TMEM178A: variants seen among roughly 807,000 people sequenced by gnomAD.
TMEM178A encodes the protein transmembrane protein 178A.
Under a neutral mutation model 29.1 loss-of-function variants are expected in TMEM178A, and 12 were observed. The ratio of observed to expected loss-of-function variants is 0.41; its 90% CI spans 0.26 to 0.67. TMEM178A has a LOEUF of 0.67. Ranked by LOEUF, TMEM178A falls within the 30% of genes least tolerant of loss-of-function variation. TMEM178A has a pLI of 0.29. For missense variants in TMEM178A, 366 were observed against 419.1 expected (o/e 0.87, Z 1.11); for synonymous variants, 210 against 187.2 (o/e 1.12, Z -0.99).
Position 39,698,729 on chromosome 2 carries a change from A to G in TMEM178A, c.401-5352A>G, listed in dbSNP as rs546886204. 1.1e-3 allele frequency among the ~76,000 whole-genome samples: 167 copies of G among 151,838 alleles called. 2 individuals carry two copies. The highest frequency in any genetic ancestry group is 3.8e-3 in the African/African-American group (159 of 41,428). On this transcript the variant is annotated intron_variant, in intron 1 of 3. Transcript: ENST00000281961. ...TTTTTTTGTTTTGAAGAGTCTATGAAGGTTGTTAATTCTTCCTTAAACATT... is the reference window on the plus strand; with the variant it reads ...TTTTTTTGTTTTGAAGAGTCTATGAGGGTTGTTAATTCTTCCTTAAACATT...
At chr2:39,730,947 ATCT>A in the TMEM178A span, among the ~76,000 whole-genome samples, 1 of 152,164 alleles carries the variant, frequency 6.6e-6, no homozygotes, top group African/African-American at 2.4e-5. Flanking sequence ...GAGACATCTC[ATCT>A]TCTCAAGGAG....
At chr2:39,728,793 C>T in the TMEM178A span, among the ~76,000 whole-genome samples, 257 of 151,860 alleles carry the variant, frequency 1.7e-3, 2 homozygotes, top group African/African-American at 5.9e-3. Context: ...TTTCTTTTCT[C>T]CTAAAGATGT....
chr2:39,666,069 A>G lies in TMEM178A; in HGVS notation c.95A>G (p.Tyr32Cys). The change falls in exon 1 of 4, where the codon TAC (tyrosine) becomes TGC (cysteine). Residue 32 changes from tyrosine (Y) to cysteine (C), a missense_variant. Around this residue, in one of 2 missense-constraint regions of TMEM178A, gnomAD observed 247 missense variants for 246.8 expected, o/e 1.00. Coordinates refer to ENST00000281961, the MANE Select transcript of TMEM178A (RefSeq NM_152390.3). ...LVTAIFTDHW[Y>C]ETDPRRHKES... ...ACGGCCATCTTCACCGACCACTGGT[A>G]CGAGACCGACCCCCGGCGCCACAAG... 1 of 1,569,866 alleles carries G rather than the reference A, an allele frequency of 6.4e-7. No homozygotes were observed. Among genetic ancestry groups the G allele is most frequent in the Non-Finnish European group, 8.6e-7 (1 of 1,161,510 alleles).
chr2:39,720,934 TA>T (rs1348424429), downstream of TMEM178A, among the ~76,000 whole-genome samples: 1 of 152,244 alleles, frequency 6.6e-6, no homozygotes, highest in East Asian at 1.9e-4. Flanking sequence ...TGTTATGAAC[TA>T]CTGTGGAACA....
At chr2:39,673,492 T>C (rs1348330506) in intron 1 of TMEM178A, among the ~76,000 whole-genome samples, 1 of 152,254 alleles carries the variant, frequency 6.6e-6, no homozygotes, top group Non-Finnish European at 1.5e-5. Context: ...ATCAATCAAC[T>C]CATTTTTCCC....
At chr2:39,695,325 G>C (rs529225509) in intron 1 of TMEM178A, among the ~76,000 whole-genome samples, 44 of 151,730 alleles carry the variant, frequency 2.9e-4, no homozygotes, top group East Asian at 1.9e-3. Context: ...GCCATCAACT[G>C]TTTCAGACAT....
intron 3 of TMEM178A, among the ~76,000 whole-genome samples, chr2:39,714,282 C>T (rs963440956): frequency 6.6e-6 from 1 of 152,072 alleles, no homozygotes; most frequent in Non-Finnish European, 1.5e-5. Context: ...CTCTCCACCA[C>T]GCTCAGCTGA....
downstream of TMEM178A, among the ~76,000 whole-genome samples, chr2:39,719,992 T>A (rs1305576525): frequency 6.6e-6 from 1 of 152,204 alleles, no homozygotes. Context: ...GTTTTTGCCC[T>A]GGTAAAGCTT....
the TMEM178A span, among the ~76,000 whole-genome samples, chr2:39,722,993 C>A: frequency 1.7e-4 from 26 of 152,290 alleles, no homozygotes; most frequent in African/African-American, 5.5e-4. Flanking sequence ...GGCATGGAAA[C>A]CTTGCTATAG....
At chr2:39,683,413 G>T (rs1231564518) in intron 1 of TMEM178A, among the ~76,000 whole-genome samples, 2 of 152,178 alleles carry the variant, frequency 1.3e-5, no homozygotes, top group African/African-American at 4.8e-5. Flanking sequence ...CTCACATGGG[G>T]CTCTCCTTTG....
chr2:39,669,803 C>T (rs573427289), intron 1 of TMEM178A, among the ~76,000 whole-genome samples: 6 of 152,206 alleles, frequency 3.9e-5, no homozygotes, highest in Admixed American at 2.6e-4. Context: ...ATCTTGTTCA[C>T]TGGGATAACA....
the TMEM178A span, among the ~76,000 whole-genome samples, chr2:39,726,453 G>T: frequency 6.6e-6 from 1 of 152,154 alleles, no homozygotes; most frequent in African/African-American, 2.4e-5. Context: ...AGGGAAACCA[G>T]GCTATCCAGC....
At chr2:39,691,892 T>C (rs1671332075) in intron 1 of TMEM178A, among the ~76,000 whole-genome samples, 2 of 151,696 alleles carry the variant, frequency 1.3e-5, no homozygotes, top group South Asian at 2.1e-4. Context: ...CATACACACA[T>C]ATATAATGGA....
the TMEM178A span, among the ~76,000 whole-genome samples, chr2:39,728,252 C>T: frequency 6.6e-6 from 1 of 152,190 alleles, no homozygotes; most frequent in East Asian, 1.9e-4. Context: ...GATTGCCATT[C>T]TAACTGGCGT....
intron 1 of TMEM178A, among the ~76,000 whole-genome samples, chr2:39,693,095 T>C (rs113715453): frequency 0.018 from 2,710 of 152,160 alleles, 74 homozygotes; most frequent in African/African-American, 0.061. Context: ...GCCTGGGCAA[T>C]AGAGCGAGAC....
At chr2:39,678,584 G>T (rs541383189) in intron 1 of TMEM178A, among the ~76,000 whole-genome samples, 2 of 152,188 alleles carry the variant, frequency 1.3e-5, no homozygotes, top group South Asian at 4.2e-4. Context: ...TGCTTAATGG[G>T]TAAGTGATTT....
chr2:39,729,336 G>T, the TMEM178A span, among the ~76,000 whole-genome samples: 19 of 152,278 alleles, frequency 1.2e-4, no homozygotes, highest in African/African-American at 4.3e-4. Flanking sequence ...ATGGTGCCTG[G>T]TTCCTCCGCA....
chr2:39,683,322 T>C (rs1670947390), intron 1 of TMEM178A, among the ~76,000 whole-genome samples: 1 of 152,216 alleles, frequency 6.6e-6, no homozygotes, highest in Admixed American at 6.5e-5. Flanking sequence ...TTTTAGGCTA[T>C]GGAAGCCATG....
intron 1 of TMEM178A, among the ~76,000 whole-genome samples, chr2:39,692,730 G>A (rs1344924676): frequency 6.6e-6 from 1 of 152,094 alleles, no homozygotes; most frequent in Non-Finnish European, 1.5e-5. Flanking sequence ...TAGCTCATTT[G>A]ATCCTCAAGA....
Sources: allele counts gnomAD v4.1 joint callset (sites outside exome capture counted in the v4.1 genomes callset), GRCh38; gene constraint gnomAD v4.1.1; regional missense constraint gnomAD v4.1.1; transcripts MANE v1.5; gene names NCBI Gene and HGNC (gene_info 2026-07-23, HGNC 2026-07-21).